Variants in OR10J1 observed in about 807,000 individuals in gnomAD.
OR10J1 encodes the protein olfactory receptor 10J1.
For synonymous variants in OR10J1, 202 were observed against 143.8 expected, an observed-to-expected ratio of 1.40 and a Z score of -2.89; for missense variants, 474 against 376.6, an observed-to-expected ratio of 1.26 and a Z score of -2.14.
upstream of OR10J1, among the ~76,000 whole-genome samples, chr1:159,434,673 G>A (rs1212771638): frequency 6.6e-6 from 1 of 152,142 alleles, no homozygotes; most frequent in Non-Finnish European, 1.5e-5. Flanking sequence ...GCCATTACAA[G>A]CATGTGTCCT....
the OR10J1 span, among the ~76,000 whole-genome samples, chr1:159,417,571 G>A: frequency 1.3e-5 from 2 of 152,082 alleles, no homozygotes; most frequent in African/African-American, 2.4e-5. Context: ...TTCACTTTCT[G>A]CCTCCTCAGC....
At chr1:159,431,349 G>A in the OR10J1 span, among the ~76,000 whole-genome samples, 4 of 152,172 alleles carry the variant, frequency 2.6e-5, no homozygotes, top group Admixed American at 2.6e-4. Context: ...AACAGAGATG[G>A]AGCAAGTTTT....
At chr1:159,397,880 A>T in the OR10J1 span, among the ~76,000 whole-genome samples, 1 of 152,176 alleles carries the variant, frequency 6.6e-6, no homozygotes, top group African/African-American at 2.4e-5. Flanking sequence ...CCTGGTGATT[A>T]TAGAGCCCCA....
chr1:159,409,626 A>C, the OR10J1 span, among the ~76,000 whole-genome samples: 1 of 152,078 alleles, frequency 6.6e-6, no homozygotes, highest in African/African-American at 2.4e-5. Context: ...TTAACCACTT[A>C]ACTTTACATG....
chr1:159,405,756 G>A, the OR10J1 span: 1 of 1,213,326 alleles, frequency 8.2e-7, no homozygotes, highest in Non-Finnish European at 1.2e-6. Context: ...GTAGGACAAG[G>A]ACACAGACAC....
chr1:159,434,270 C>G (rs1184576925), upstream of OR10J1, among the ~76,000 whole-genome samples: 1 of 152,058 alleles, frequency 6.6e-6, no homozygotes, highest in East Asian at 1.9e-4. Context: ...CCAGCTTTCT[C>G]CTCCATAATA....
the OR10J1 span, among the ~76,000 whole-genome samples, chr1:159,425,973 A>G: frequency 6.6e-6 from 1 of 152,064 alleles, no homozygotes; most frequent in Non-Finnish European, 1.5e-5. Flanking sequence ...GCTATTTCAC[A>G]TCTTAAATTC....
chr1:159,425,963 G>A, the OR10J1 span, among the ~76,000 whole-genome samples: 3 of 151,934 alleles, frequency 2.0e-5, no homozygotes, highest in African/African-American at 7.2e-5. Flanking sequence ...ATAATGTAGT[G>A]CTATTTCACA....
the OR10J1 span, among the ~76,000 whole-genome samples, chr1:159,415,472 GCCCTGTAACA>G: frequency 6.6e-6 from 1 of 152,044 alleles, no homozygotes; most frequent in Non-Finnish European, 1.5e-5. Flanking sequence ...GGTTATGATA[GCCCTGTAACA>G]CATTTTGAAG....
At chr1:159,428,810 G>A in the OR10J1 span, among the ~76,000 whole-genome samples, 1 of 152,180 alleles carries the variant, frequency 6.6e-6, no homozygotes, top group Non-Finnish European at 1.5e-5. Flanking sequence ...ACTCTTCCAT[G>A]CTTGTCAGTC....
chr1:159,433,036 C>A (rs141621404), upstream of OR10J1: 35 of 448,276 alleles, frequency 7.8e-5, no homozygotes, highest in Middle Eastern at 7.6e-4. Context: ...CTGTGACATA[C>A]ACTGTTATTA....
rs753283313 is a variant in OR10J1 at position 159,439,891 on chromosome 1, C to T, written c.100C>T (p.Leu34=). The T allele has an allele frequency of 2.5e-6, 4 of 1,614,182 alleles. No homozygotes were observed. The highest frequency in any genetic ancestry group is 3.4e-6 in the Non-Finnish European group (4 of 1,180,028). The part of the protein sequence containing the change: ...QITLFGVFLA[L]YILTLAGNII... Reference sequence around the variant, plus strand: ...CACCCTTTTTGGCGTGTTCCTTGCACTATACATCTTAACCTTAGCAGGCAA... The same window carrying T: ...CACCCTTTTTGGCGTGTTCCTTGCATTATACATCTTAACCTTAGCAGGCAA... Residue 34 remains leucine (L), a synonymous_variant, in exon 1 of 1, where the codon CTA becomes TTA. Transcript: ENST00000423932.
upstream of OR10J1, among the ~76,000 whole-genome samples, chr1:159,438,828 T>C (rs758745821): frequency 6.6e-6 from 1 of 152,216 alleles, no homozygotes; most frequent in Non-Finnish European, 1.5e-5. Flanking sequence ...ATTACATAAA[T>C]TGAACTGATC....
chr1:159,399,388 G>A, the OR10J1 span, among the ~76,000 whole-genome samples: 1 of 151,742 alleles, frequency 6.6e-6, no homozygotes, highest in South Asian at 2.1e-4. Context: ...TGGCTAACAC[G>A]GTGAAACCCG....
chr1:159,427,540 A>G, the OR10J1 span, among the ~76,000 whole-genome samples: 1 of 152,006 alleles, frequency 6.6e-6, no homozygotes, highest in Admixed American at 6.6e-5. Flanking sequence ...TTTAAAAGGT[A>G]TATAAAATGG....
chr1:159,437,128 G>A (rs890047658), upstream of OR10J1, among the ~76,000 whole-genome samples: 5 of 152,090 alleles, frequency 3.3e-5, no homozygotes, highest in Admixed American at 3.3e-4. Flanking sequence ...GTTTAGAGTT[G>A]GGTCTTGACA....
upstream of OR10J1, among the ~76,000 whole-genome samples, chr1:159,436,557 C>T (rs1655743192): frequency 6.6e-6 from 1 of 152,044 alleles, no homozygotes. Context: ...CTTCACACCA[C>T]TCACAGGTCA....
chr1:159,431,805 C>G, the OR10J1 span, among the ~76,000 whole-genome samples: 2 of 152,114 alleles, frequency 1.3e-5, no homozygotes, highest in Admixed American at 6.5e-5. Context: ...CAGTTGTAGG[C>G]TAATGCAAGT....
At chr1:159,438,800 G>A (rs1031871727), upstream of OR10J1, among the ~76,000 whole-genome samples, 2 of 152,164 alleles carry the variant, frequency 1.3e-5, no homozygotes, top group African/African-American at 4.8e-5. Context: ...ACTGTTTAAA[G>A]AGATAAAAAT....
Sources: gnomAD v4.1 joint callset for allele counts (sites outside exome capture counted in the v4.1 genomes callset) on GRCh38, gnomAD v4.1.1 for gene constraint, MANE v1.5 for transcripts, NCBI Gene and HGNC (gene_info 2026-07-23, HGNC 2026-07-21) for gene names.